Variants in IMPG1 observed in about 807,000 individuals in gnomAD.
IMPG1 encodes interphotoreceptor matrix proteoglycan of 150 kDa.
Under a neutral mutation model 92.0 loss-of-function variants are expected in IMPG1, and 85 were observed. The ratio of observed to expected loss-of-function variants is 0.92; its 90% CI spans 0.78 to 1.11. The LOEUF (loss-of-function observed/expected upper bound fraction) is 1.11, where lower values mean the gene tolerates loss of function less well. Among genes scored for constraint, IMPG1 ranks in the 50% least tolerant of loss-of-function variants. The pLI, the probability that IMPG1 is intolerant of heterozygous loss-of-function variation, is 0.00. For synonymous variants in IMPG1, 367 were observed against 334.1 expected, an observed-to-expected ratio of 1.10 and a Z score of -1.08; for missense variants, 1,022 against 956.0, an observed-to-expected ratio of 1.07 and a Z score of -0.91.
chr6:76,029,667 T>C (rs1246817503), intron 4 of IMPG1, among the ~76,000 whole-genome samples: 1 of 152,124 alleles, frequency 6.6e-6, no homozygotes, highest in Admixed American at 6.5e-5. Flanking sequence ...TGAGCAATTA[T>C]CCTGCAAATC....
chr6:76,047,124 C>A (rs924392644), intron 1 of IMPG1, among the ~76,000 whole-genome samples: 1 of 152,140 alleles, frequency 6.6e-6, no homozygotes, highest in East Asian at 1.9e-4. Flanking sequence ...TCTGCCCTAC[C>A]ACTCTTCTTT....
rs570573654 is a variant in IMPG1, at chr6:75,958,367, G to A, written c.1292-7273C>T. 8.5e-5 allele frequency among the ~76,000 whole-genome samples: 13 copies of A among 152,066 alleles called. 1 individual carries two copies. The South Asian group carries it at 2.7e-3, about 32-fold the overall frequency. The stretch of plus-strand genomic sequence containing the variant: ...TGAATCTGATGATTATGTGTCTTGG[G>A]GTTGCTTTTCTCGAGGAGTATCTTT... On this transcript the variant is annotated intron_variant, in intron 12 of 16. Coordinates refer to ENST00000369950, the MANE Select transcript of IMPG1 (RefSeq NM_001563.4).
At chr6:76,006,164 T>C (rs1464698566) in intron 9 of IMPG1, among the ~76,000 whole-genome samples, 1 of 152,018 alleles carries the variant, frequency 6.6e-6, no homozygotes. Flanking sequence ...GTCAAAAAAG[T>C]TGCTGGTATT....
chr6:76,042,324 C>T (rs1454055902), intron 1 of IMPG1, among the ~76,000 whole-genome samples, 198 bp from the exon 2 acceptor site: 1 of 152,066 alleles, frequency 6.6e-6, no homozygotes, highest in Non-Finnish European at 1.5e-5. Flanking sequence ...ATGAGCCGAT[C>T]AAGCGTATTT....
intron 1 of IMPG1, among the ~76,000 whole-genome samples, chr6:76,059,974 T>G (rs564486673): frequency 6.6e-6 from 1 of 152,322 alleles, no homozygotes; most frequent in African/African-American, 2.4e-5. Flanking sequence ...GACAAATTAG[T>G]TCTACATGTG....
chr6:76,038,737 G>A (rs527288875), intron 2 of IMPG1, among the ~76,000 whole-genome samples: 1 of 152,328 alleles, frequency 6.6e-6, no homozygotes, highest in African/African-American at 2.4e-5. Flanking sequence ...TCCCACCCCA[G>A]TCTTCCCACA....
chr6:75,943,088 G>C (rs1026727671), intron 14 of IMPG1, among the ~76,000 whole-genome samples: 2 of 152,128 alleles, frequency 1.3e-5, no homozygotes, highest in African/African-American at 4.8e-5. Context: ...ATTGGAACAA[G>C]GGTTTGAATG....
chr6:75,931,071 C>G lies in IMPG1; in HGVS notation c.2125G>C (p.Glu709Gln), dbSNP rs753852886. 1 of 1,614,188 alleles carries G rather than the reference C, an allele frequency of 6.2e-7. No individual in the cohort carries two copies. Among genetic ancestry groups the G allele is most frequent in the South Asian group, 1.1e-5 (1 of 91,080 alleles). ...TCATATCCTGGTTTGCAGCGACACT[C>G]CGCTTCCTCAGTCCGTTCGTTCTTT... ...CVKNERTEEA[E>Q]CRCKPGYDSQ... Residue 709 changes from glutamate (E) to glutamine (Q), a missense_variant, in exon 15 of 17, where the codon GAG becomes CAG. Coordinates refer to ENST00000369950, the MANE Select transcript of IMPG1 (RefSeq NM_001563.4).
intron 12 of IMPG1, among the ~76,000 whole-genome samples, chr6:75,988,041 T>G (rs2149472175): frequency 6.6e-6 from 1 of 152,322 alleles, no homozygotes; most frequent in Non-Finnish European, 1.5e-5. Flanking sequence ...TTTGGATTGG[T>G]TGCAAGTCTT....
chr6:75,989,539 A>G (rs1161785175), intron 12 of IMPG1, among the ~76,000 whole-genome samples: 2 of 152,088 alleles, frequency 1.3e-5, no homozygotes, highest in Admixed American at 6.5e-5. Context: ...ATTTTCTTAA[A>G]CTCTAAGCAT....
chr6:76,039,593 TG>T (rs2149489572), intron 2 of IMPG1, among the ~76,000 whole-genome samples: 2 of 152,258 alleles, frequency 1.3e-5, no homozygotes, highest in South Asian at 4.2e-4. Context: ...TGACCTCAGG[TG>T]ATCTGCCTAC....
In IMPG1 at chr6:76,022,189, G is replaced by A; in HGVS notation, c.593C>T (p.Pro198Leu). The A allele has an allele frequency of 4.4e-6, 7 of 1,594,672 alleles. No homozygotes were observed. Among genetic ancestry groups the A allele is most frequent in the Non-Finnish European group, 6.0e-6 (7 of 1,166,664 alleles). ...DVANVSLGPF[P>L]LTPDDTLLNE... ...GAGGAGGGTGTCATCAGGAGTGAGA[G>A]GGAAAGGCCCAAGTGAGACGTTGGC... The change falls in exon 6 of 17, where the codon CCT becomes CTT. Residue 198 changes from proline (P) to leucine (L), a missense_variant. This residue lies in a region of IMPG1 where 681 missense variants were observed against 583.6 expected (regional missense o/e 1.17). Coordinates refer to ENST00000369950, the MANE Select transcript of IMPG1 (RefSeq NM_001563.4).
chr6:75,951,619 G>T (rs1782033124), intron 12 of IMPG1, among the ~76,000 whole-genome samples: 1 of 151,958 alleles, frequency 6.6e-6, no homozygotes. Flanking sequence ...ATGATGTTTT[G>T]GTATTTTTAC....
At chr6:75,966,716 A>G (rs1344730878) in intron 12 of IMPG1, among the ~76,000 whole-genome samples, 1 of 152,234 alleles carries the variant, frequency 6.6e-6, no homozygotes, top group Non-Finnish European at 1.5e-5. Context: ...TGATATGAAA[A>G]AGAACAAAGT....
chr6:76,027,935 C>T (rs554961675), intron 4 of IMPG1, among the ~76,000 whole-genome samples: 63 of 152,314 alleles, frequency 4.1e-4, no homozygotes, highest in Non-Finnish European at 7.8e-4. Context: ...TCCTTCCTGA[C>T]ACCTGGCTTT....
At chr6:76,008,830 T>C (rs1783139562) in intron 8 of IMPG1, among the ~76,000 whole-genome samples, 1 of 152,214 alleles carries the variant, frequency 6.6e-6, no homozygotes. Context: ...AGCATATTCA[T>C]CAATCGCAAA....
chr6:75,993,499 GGAGAGAGAGAGAAAGAAA>G (rs1293862380), intron 12 of IMPG1, among the ~76,000 whole-genome samples: 1 of 150,608 alleles, frequency 6.6e-6, no homozygotes, highest in East Asian at 2.0e-4. Context: ...GGAGAGAAAG[GGAGAGAGAGAGAAAGAAA>G]GAGAGAGAGA....
chr6:76,041,612 A>T lies in IMPG1; in HGVS notation c.301+281T>A, dbSNP rs1783843228. On this transcript the variant is annotated intron_variant, in intron 2 of 16. Transcript: ENST00000369950. Reference sequence around the variant, plus strand: ...TATTGAGCATTGGCAAAAATAAAAAATAAAGGGGTAAAATCTGGATGCCAA... The same window carrying T: ...TATTGAGCATTGGCAAAAATAAAAATTAAAGGGGTAAAATCTGGATGCCAA... Among the ~76,000 whole-genome samples the T allele has an allele frequency of 2.0e-5, 3 of 152,248 alleles. No individual in the cohort carries two copies. In the South Asian group the frequency reaches 6.2e-4, roughly 32 times the overall value.
chr6:76,059,394 C>T (rs1276404630), intron 1 of IMPG1, among the ~76,000 whole-genome samples: 2 of 128,696 alleles, frequency 1.6e-5, no homozygotes, highest in East Asian at 2.3e-4. Context: ...GAGTTCAAGA[C>T]GTTACACCTT....
Sources: allele counts gnomAD v4.1 joint callset (sites outside exome capture counted in the v4.1 genomes callset), GRCh38; gene constraint gnomAD v4.1.1; regional missense constraint gnomAD v4.1.1; transcripts MANE v1.5; gene names NCBI Gene and HGNC (gene_info 2026-07-23, HGNC 2026-07-21).